ANKRD30A: variants seen among roughly 807,000 people sequenced by gnomAD.
ANKRD30A encodes ankyrin repeat domain-containing protein 30A.
ANKRD30A carries 170 observed loss-of-function variants against 166.3 expected under a neutral mutation model. The observed-to-expected ratio is 1.02, with a 90% CI of 0.90 to 1.16. The LOEUF is 1.16. ANKRD30A is among the 50% of genes most tolerant of loss of function. The pLI, the probability that ANKRD30A is intolerant of heterozygous loss-of-function variation, is 0.00. For synonymous variants in ANKRD30A, 564 were observed against 508.9 expected, an observed-to-expected ratio of 1.11 and a Z score of -1.46; for missense variants, 1,630 against 1,518.0, an observed-to-expected ratio of 1.07 and a Z score of -1.23.
At chr10:37,226,590 C>T (rs1843165556) in intron 34 of ANKRD30A, among the ~76,000 whole-genome samples, 1 of 151,828 alleles carries the variant, frequency 6.6e-6, no homozygotes, top group Non-Finnish European at 1.5e-5. Flanking sequence ...TTTACCCACT[C>T]ATCAGTTGAT....
At chr10:37,161,935 G>A (rs1838920387) in intron 15 of ANKRD30A, among the ~76,000 whole-genome samples, 1 of 152,084 alleles carries the variant, frequency 6.6e-6, no homozygotes. Flanking sequence ...AAATATTGTG[G>A]TGACTTAACA....
At chr10:37,263,191 C>T in the ANKRD30A span, among the ~76,000 whole-genome samples, 1 of 147,958 alleles carries the variant, frequency 6.8e-6, no homozygotes, top group South Asian at 2.2e-4. Flanking sequence ...TTTAAATGCT[C>T]TGCTAAAAAA....
intron 18 of ANKRD30A, among the ~76,000 whole-genome samples, chr10:37,166,259 A>G (rs1839331844): frequency 6.6e-6 from 1 of 152,198 alleles, no homozygotes; most frequent in Non-Finnish European, 1.5e-5. Flanking sequence ...TTTGTTTGAA[A>G]TGTCTTATTT....
At chr10:37,251,502 A>G in the ANKRD30A span, among the ~76,000 whole-genome samples, 3 of 152,114 alleles carry the variant, frequency 2.0e-5, no homozygotes, top group African/African-American at 4.8e-5. Context: ...TGTCCCTTAG[A>G]TGCCTGACCA....
Position 37,136,653 on chromosome 10 carries a change from C to T in ANKRD30A, c.802C>T (p.His268Tyr), listed in dbSNP as rs1167241084. The change falls in exon 6 of 36, where the codon CAT becomes TAT. Residue 268 changes from histidine (H) to tyrosine (Y), a missense_variant. His to Tyr is a moderately conservative substitution (Grantham distance 83). Transcript: ENST00000361713. ...ATATATACGAAAATTATCTAAAAATCATCAAAATACCAATCCAGGTAAGAC... is the reference window on the plus strand; with the variant it reads ...ATATATACGAAAATTATCTAAAAATTATCAAAATACCAATCCAGGTAAGAC... ...MEYIRKLSKN[H>Y]QNTNPEGTSA... 2.1e-6 allele frequency: 3 copies of T among 1,419,308 alleles called. No individual in the cohort carries two copies. Among genetic ancestry groups the T allele is most frequent in the East Asian group, 2.5e-5 (1 of 40,744 alleles). The allele number at this position is 1,419,308 out of a possible 1,614,324, so 87.9% of individuals were successfully genotyped here. A position where few individuals can be genotyped will look rare whatever the true frequency, so the allele number is the denominator to read the frequency against.
intron 34 of ANKRD30A, among the ~76,000 whole-genome samples, chr10:37,223,848 C>T (rs960338087): frequency 6.6e-6 from 1 of 150,658 alleles, no homozygotes; most frequent in Non-Finnish European, 1.5e-5. Context: ...AGAAATTAAA[C>T]ATATGTATTG....
chr10:37,203,825 G>A (rs746542674), intron 31 of ANKRD30A, among the ~76,000 whole-genome samples: 2 of 152,150 alleles, frequency 1.3e-5, no homozygotes, highest in Non-Finnish European at 2.9e-5. Flanking sequence ...AAAATCACAA[G>A]CACTCTTATA....
At position 37,190,342 on chromosome 10, in the gene ANKRD30A, G is replaced by T. The variant is rs928088769; in HGVS notation, c.2512+785G>T. On this transcript the variant is annotated intron_variant, in intron 25 of 35. Transcript: ENST00000361713. Reference sequence around the variant, plus strand: ...AGGAGAGGCCTTTTGTGGGAATAATGTGGAAGCAGAGCAACTGGATAGAAG... The same window carrying T: ...AGGAGAGGCCTTTTGTGGGAATAATTTGGAAGCAGAGCAACTGGATAGAAG... Among the ~76,000 whole-genome samples, 12 of 151,800 alleles carry T rather than the reference G, an allele frequency of 7.9e-5. 1 individual carries two copies. The highest frequency in any genetic ancestry group is 2.9e-4 in the African/African-American group (12 of 41,184).
At chr10:37,249,149 G>T in the ANKRD30A span, among the ~76,000 whole-genome samples, 1 of 152,114 alleles carries the variant, frequency 6.6e-6, no homozygotes, top group Non-Finnish European at 1.5e-5. Flanking sequence ...CTTCTGAGCC[G>T]GATATTCCTG....
chr10:37,212,544 A>G (rs1224092468), intron 31 of ANKRD30A, among the ~76,000 whole-genome samples: 2 of 152,100 alleles, frequency 1.3e-5, no homozygotes, highest in East Asian at 1.9e-4. Context: ...GAACCAAAAA[A>G]GAGCCCGCAT....
At chr10:37,137,149 A>C (rs1836756084) in intron 6 of ANKRD30A, among the ~76,000 whole-genome samples, 1 of 152,050 alleles carries the variant, frequency 6.6e-6, no homozygotes, top group East Asian at 1.9e-4. Flanking sequence ...TTATAAATAA[A>C]TTTTATTACA....
At position 37,183,461 on chromosome 10, in the gene ANKRD30A, A is replaced by C. The variant is rs1286213981; in HGVS notation, c.2422-6006A>C. 4.8e-5 allele frequency among the ~76,000 whole-genome samples: 7 copies of C among 146,984 alleles called. 1 individual carries two copies. The highest frequency in any genetic ancestry group is 1.7e-4 in the African/African-American group (7 of 40,366). Reference sequence around the variant, plus strand: ...AATAACAAATGGGCTCTTGTATATGAAATAATGTCTGAAGTTGCACCTCTG... The same window carrying C: ...AATAACAAATGGGCTCTTGTATATGCAATAATGTCTGAAGTTGCACCTCTG... On this transcript the variant is annotated intron_variant, in intron 24 of 35. Coordinates refer to ENST00000361713, the MANE Select transcript of ANKRD30A (RefSeq NM_052997.3).
At chr10:37,240,210 T>C in the ANKRD30A span, among the ~76,000 whole-genome samples, 1 of 152,252 alleles carries the variant, frequency 6.6e-6, no homozygotes, top group South Asian at 2.1e-4. Flanking sequence ...TTTGTCATGT[T>C]CCATATATTT....
chr10:37,151,508 C>A (rs779453934), intron 11 of ANKRD30A, among the ~76,000 whole-genome samples: 2 of 152,040 alleles, frequency 1.3e-5, no homozygotes, highest in Non-Finnish European at 2.9e-5. Context: ...CTTCCTAAAA[C>A]ATATACACAC....
the ANKRD30A span, among the ~76,000 whole-genome samples, chr10:37,247,779 G>T: frequency 6.6e-6 from 1 of 151,440 alleles, no homozygotes; most frequent in Non-Finnish European, 1.5e-5. Flanking sequence ...CTACTCCGGA[G>T]GCTGAGGCAG....
At chr10:37,242,349 C>T in the ANKRD30A span, among the ~76,000 whole-genome samples, 1 of 152,160 alleles carries the variant, frequency 6.6e-6, no homozygotes, top group Non-Finnish European at 1.5e-5. Flanking sequence ...TGGTCTGTTA[C>T]TGGTGATGCT....
intron 32 of ANKRD30A, 118 bp from the exon 33 acceptor site, chr10:37,217,577 A>C: frequency 1.2e-6 from 1 of 811,996 alleles, no homozygotes; most frequent in Non-Finnish European, 1.7e-6. Flanking sequence ...AGGAAGAAAA[A>C]AATTCAAGAA....
In ANKRD30A at chr10:37,194,808, G is replaced by A. The variant is rs186599646; in HGVS notation, c.2614+1550G>A. Among the ~76,000 whole-genome samples the A allele has an allele frequency of 9.4e-3, 1,433 of 152,122 alleles. 33 individuals carry two copies. Among genetic ancestry groups the A allele is most frequent in the African/African-American group, 0.033 (1,352 of 41,486 alleles). On this transcript the variant is annotated intron_variant, in intron 27 of 35. Coordinates refer to ENST00000361713, the MANE Select transcript of ANKRD30A (RefSeq NM_052997.3). Reference sequence around the variant, plus strand: ...ACTCTAAAACACATTTAATTAGACCGTCTTTTCTAGCCACTAAAAGTCGAA... The same window carrying A: ...ACTCTAAAACACATTTAATTAGACCATCTTTTCTAGCCACTAAAAGTCGAA...
intron 1 of ANKRD30A, among the ~76,000 whole-genome samples, chr10:37,126,284 C>T (rs1174650057): frequency 6.6e-6 from 1 of 152,196 alleles, no homozygotes; most frequent in East Asian, 1.9e-4. Flanking sequence ...CACTTCCTCT[C>T]ACAGAGGACT....
Sources: allele counts gnomAD v4.1 joint callset (sites outside exome capture counted in the v4.1 genomes callset), GRCh38; gene constraint gnomAD v4.1.1; transcripts MANE v1.5; gene names NCBI Gene and HGNC (gene_info 2026-07-23, HGNC 2026-07-21).